ADGRV1: variants seen among roughly 807,000 people sequenced by gnomAD.
The protein encoded by ADGRV1 is G-protein coupled receptor 98.
A neutral mutation model predicts 596.2 loss-of-function variants in ADGRV1; 359 were observed. That is an observed-to-expected ratio of 0.60 (90% CI 0.55 to 0.66). The LOEUF (loss-of-function observed/expected upper bound fraction) is 0.66. ADGRV1 is among the 30% of genes least tolerant of loss of function. ADGRV1 has a pLI of 0.00. For missense variants in ADGRV1, 7,274 were observed against 7,575.6 expected (o/e 0.96, Z 1.48); for synonymous variants, 2,681 against 2,679.2 (o/e 1.00, Z -0.02).
At chr5:90,888,551 T>C (rs888969924) in intron 83 of ADGRV1, among the ~76,000 whole-genome samples, 5 of 152,172 alleles carry the variant, frequency 3.3e-5, no homozygotes, top group African/African-American at 9.6e-5. Context: ...TTGTGGACTT[T>C]GCAGGAAAAA....
intron 83 of ADGRV1, among the ~76,000 whole-genome samples, chr5:90,896,268 T>TTTG (rs375926009): frequency 0.046 from 469 of 10,236 alleles, 6 homozygotes; most frequent in African/African-American, 0.084. Flanking sequence ...TGACCAGTGG[T>TTTG]TTTTTTTTTT....
intron 17 of ADGRV1, among the ~76,000 whole-genome samples, chr5:90,649,268 C>CT (rs1768248708): frequency 6.6e-6 from 1 of 152,066 alleles, no homozygotes; most frequent in Admixed American, 6.5e-5. Flanking sequence ...TCCCAAAGTG[C>CT]TGGGATTACA....
intron 50 of ADGRV1, among the ~76,000 whole-genome samples, chr5:90,737,600 T>G (rs1753411949): frequency 6.6e-6 from 1 of 152,018 alleles, no homozygotes; most frequent in African/African-American, 2.4e-5. Context: ...CTTTATTATT[T>G]AGGTGCTCCA....
chr5:91,135,352 G>A (rs1313099868), intron 87 of ADGRV1, among the ~76,000 whole-genome samples: 2 of 152,200 alleles, frequency 1.3e-5, no homozygotes, highest in South Asian at 2.1e-4. Flanking sequence ...TTCAGCTTTT[G>A]TTGCCTTTCC....
chr5:91,031,613 G>C (rs2697547), intron 85 of ADGRV1, among the ~76,000 whole-genome samples: 43,759 of 152,038 alleles, frequency 0.29, 6,821 homozygotes, highest in Non-Finnish European at 0.35. Context: ...TTAGAAAATA[G>C]TTTATAATCT....
intron 85 of ADGRV1, chr5:91,031,196 G>A (rs985003891): frequency 1.6e-5 from 25 of 1,521,388 alleles, no homozygotes; most frequent in East Asian, 2.3e-5. Flanking sequence ...AAGAGTAATC[G>A]AGATTTCCAG....
intron 83 of ADGRV1, among the ~76,000 whole-genome samples, chr5:90,961,312 A>T (rs1385465895): frequency 1.3e-5 from 2 of 152,032 alleles, no homozygotes; most frequent in African/African-American, 4.8e-5. Flanking sequence ...CATCCTGGCT[A>T]ACACGATGAA....
chr5:90,619,455 C>T (rs1181078203), intron 4 of ADGRV1, among the ~76,000 whole-genome samples: 14 of 152,138 alleles, frequency 9.2e-5, no homozygotes, highest in Admixed American at 9.2e-4. Context: ...ACTCTTCTGT[C>T]TTTAACTCAG....
At chr5:90,852,215 AT>A (rs1034390947) in intron 79 of ADGRV1, among the ~76,000 whole-genome samples, 2 of 152,040 alleles carry the variant, frequency 1.3e-5, no homozygotes, top group Non-Finnish European at 2.9e-5. Flanking sequence ...TACAGAGGAG[AT>A]TTTTTGTAGA....
intron 84 of ADGRV1, among the ~76,000 whole-genome samples, chr5:90,974,117 A>C (rs1206432782): frequency 6.6e-6 from 1 of 152,156 alleles, no homozygotes; most frequent in Non-Finnish European, 1.5e-5. Flanking sequence ...AAAGAGAATA[A>C]AATACCTAGG....
At position 91,154,564 on chromosome 5, in the gene ADGRV1, C is replaced by T. The variant is rs149668379; in HGVS notation, c.18802+1166C>T. Among the ~76,000 whole-genome samples, 4 of 152,344 alleles carry T rather than the reference C, an allele frequency of 2.6e-5. No individual in the cohort carries two copies. In the East Asian group the frequency reaches 7.7e-4, roughly 29 times the overall value. ...CTCAGCCGCTGTGGCACAACCGCCT[C>T]TCGAGTGCTTTGTTAAGAATGGCAC... On this transcript the variant is annotated intron_variant, in intron 89 of 89. Transcript: ENST00000405460.
Position 90,749,415 on chromosome 5 carries a change from T to C in ADGRV1, c.10975-1136T>C, listed in dbSNP as rs56979683. On this transcript the variant is annotated intron_variant, in intron 52 of 89. Transcript: ENST00000405460. The stretch of plus-strand genomic sequence containing the variant: ...GGCATTGTCTTTTGTGAATAAATTA[T>C]GTGCATATTTTAAAATCAAGGCATT... Among the ~76,000 whole-genome samples, 132 of 152,326 alleles carry C rather than the reference T, an allele frequency of 8.7e-4. 1 individual carries two copies. In the East Asian group the frequency reaches 0.022, roughly 26 times the overall value.
intron 87 of ADGRV1, among the ~76,000 whole-genome samples, chr5:91,115,731 G>A (rs1792789990): frequency 1.3e-5 from 2 of 152,196 alleles, no homozygotes; most frequent in African/African-American, 4.8e-5. Context: ...CAGATCACTT[G>A]AGGTCAGGAG....
chr5:90,743,562 C>G (rs999740534), intron 50 of ADGRV1, among the ~76,000 whole-genome samples: 9 of 151,596 alleles, frequency 5.9e-5, no homozygotes, highest in African/African-American at 1.9e-4. Context: ...AGCTTCGCCC[C>G]CTGGGTTCAC....
At chr5:90,966,530 CAAA>C (rs67304974) in intron 84 of ADGRV1, among the ~76,000 whole-genome samples, 10 of 100,708 alleles carry the variant, frequency 9.9e-5, no homozygotes, top group African/African-American at 2.0e-4. Context: ...GAAACTCTGC[CAAA>C]AAAAAAAAAA....
intron 87 of ADGRV1, among the ~76,000 whole-genome samples, chr5:91,121,344 C>T (rs1380356450): frequency 6.6e-6 from 1 of 152,108 alleles, no homozygotes; most frequent in Non-Finnish European, 1.5e-5. Flanking sequence ...CATGAATGCA[C>T]CCGTCCTTGT....
intron 79 of ADGRV1, among the ~76,000 whole-genome samples, chr5:90,851,154 A>T (rs1374186703): frequency 2.1e-5 from 3 of 143,006 alleles, no homozygotes; most frequent in African/African-American, 7.8e-5. Flanking sequence ...AGAGAGAGAG[A>T]GAGAGAGAGA....
intron 83 of ADGRV1, among the ~76,000 whole-genome samples, chr5:90,866,048 C>G (rs1768059325): frequency 6.6e-6 from 1 of 152,104 alleles, no homozygotes; most frequent in South Asian, 2.1e-4. Flanking sequence ...TATAGCTGAC[C>G]TAGAGTGTTT....
At chr5:90,599,720 C>G (rs998645200) in intron 1 of ADGRV1, among the ~76,000 whole-genome samples, 1 of 151,820 alleles carries the variant, frequency 6.6e-6, no homozygotes, top group Admixed American at 6.6e-5. Flanking sequence ...TCGTAGCATA[C>G]CGAGATGACA....
Sources: allele counts gnomAD v4.1 joint callset (sites outside exome capture counted in the v4.1 genomes callset), GRCh38; gene constraint gnomAD v4.1.1; transcripts MANE v1.5; gene names NCBI Gene and HGNC (gene_info 2026-07-23, HGNC 2026-07-21).